STAT5A: variants seen among roughly 807,000 people sequenced by gnomAD.
STAT5A encodes epididymis secretory sperm binding protein.
Under a neutral mutation model 100.2 loss-of-function variants are expected in STAT5A, and 26 were observed. The ratio of observed to expected loss-of-function variants is 0.26; its 90% CI spans 0.19 to 0.36. STAT5A has a LOEUF of 0.36. Among genes scored for constraint, STAT5A ranks in the 10% least tolerant of loss-of-function variants. The pLI, the probability that STAT5A is intolerant of heterozygous loss-of-function variation, is 1.00. For synonymous variants in STAT5A, 330 were observed against 424.3 expected (o/e 0.78, Z 2.73); for missense variants, 634 against 1,027.5 (o/e 0.62, Z 5.24).
intron 5 of STAT5A, among the ~76,000 whole-genome samples, chr17:42,296,606 T>C (rs559734805): frequency 6.6e-6 from 1 of 152,248 alleles, no homozygotes; most frequent in Non-Finnish European, 1.5e-5. Flanking sequence ...CTTAGGTCAT[T>C]GATTTTAGAC....
chr17:42,289,390 G>A lies in STAT5A; in HGVS notation c.-10-12G>A, dbSNP rs1010390796. Reference sequence around the variant, plus strand: ...TGCAGAGGAGAGCGCTTCAGCGCTCGGCTCGCCCTAGGTGAACGGCCATGG... The same window carrying A: ...TGCAGAGGAGAGCGCTTCAGCGCTCAGCTCGCCCTAGGTGAACGGCCATGG... On this transcript the variant is annotated splice_polypyrimidine_tract_variant and intron_variant, in intron 1 of 18. Coordinates refer to ENST00000590949, the MANE Select transcript of STAT5A (RefSeq NM_001288718.2). 3 of 1,597,398 alleles carry A rather than the reference G, an allele frequency of 1.9e-6. No individual in the cohort carries two copies. The highest frequency in any genetic ancestry group is 2.6e-6 in the Non-Finnish European group (3 of 1,172,456).
chr17:42,304,619 T>C lies in STAT5A; in HGVS notation c.1347T>C (p.Ser449=), dbSNP rs753720577. 1 of 1,614,092 alleles carries C rather than the reference T, an allele frequency of 6.2e-7. No homozygotes were observed. The highest frequency in any genetic ancestry group is 8.5e-7 in the Non-Finnish European group (1 of 1,179,994). The part of the protein sequence containing the change: ...KFTVLFESQF[S]VGSNELVFQV... ...CAGTCCTGTTTGAGTCTCAGTTCAG[T>C]GTTGGCAGCAATGAGCTTGTGTTCC... Residue 449 remains serine (S), a synonymous_variant, in exon 11 of 19, where the codon AGT becomes AGC. Transcript: ENST00000590949. The surrounding 1 kb of genome is among the most constrained non-coding windows in gnomAD (Gnocchi z 4.8).
Position 42,311,352 on chromosome 17 carries a change from C to G in STAT5A, c.*683C>G, listed in dbSNP as rs1157589100. The stretch of plus-strand genomic sequence containing the variant: ...GGTTTCTGAGCTGCTCTGAATTAGT[C>G]CTTGCTTGGCTGCTTGGCCTTGGGC... On this transcript the variant is annotated 3_prime_UTR_variant, in exon 19 of 19. Transcript: ENST00000590949. 3 of 152,716 alleles carry G rather than the reference C, an allele frequency of 2.0e-5. No homozygotes were observed. Among genetic ancestry groups the G allele is most frequent in the African/African-American group, 7.2e-5 (3 of 41,430 alleles). 9.5% of individuals were successfully genotyped at this position (152,716 alleles called of 1,614,324 possible).
chr17:42,307,873 C>T (rs548130398), intron 15 of STAT5A, 150 bp downstream of exon 15: 158 of 1,252,572 alleles, frequency 1.3e-4, no homozygotes, highest in Admixed American at 5.7e-4. Context: ...AATGTATTCT[C>T]TTTCTATTGT....
chr17:42,307,933 G>A (rs914631615), intron 15 of STAT5A, among the ~76,000 whole-genome samples: 1 of 152,212 alleles, frequency 6.6e-6, no homozygotes, highest in African/African-American at 2.4e-5. Context: ...CTCCAGGACG[G>A]CTGGGCGAGT....
chr17:42,300,647 T>G, intron 7 of STAT5A, 68 bp from the exon 8 acceptor site: 1 of 1,612,972 alleles, frequency 6.2e-7, no homozygotes, highest in Non-Finnish European at 8.5e-7. Flanking sequence ...ACGGGAGCTG[T>G]GTCTTGGGGC....
At chr17:42,291,848 G>A in intron 3 of STAT5A, 124 bp from the exon 4 acceptor site, 1 of 932,182 alleles carries the variant, frequency 1.1e-6, no homozygotes, top group Non-Finnish European at 1.7e-6. Flanking sequence ...TCTGGGGATA[G>A]TTCCTGAGGC....
chr17:42,295,589 C>T (rs755388609), intron 4 of STAT5A, 30 bp from the exon 5 acceptor site: 1 of 1,603,038 alleles, frequency 6.2e-7, no homozygotes, highest in Non-Finnish European at 8.5e-7. Flanking sequence ...CCTCTCTTCC[C>T]CGAGTTATTT....
Position 42,295,692 on chromosome 17 carries a change from A to G in STAT5A, c.449A>G (p.Glu150Gly). Reference protein sequence around the residue: ...KHLQINQTFEELRLVTQDTEN... With the variant: ...KHLQINQTFEGLRLVTQDTEN... The stretch of plus-strand genomic sequence containing the variant: ...CTTCAGATCAACCAGACATTTGAGG[A>G]GCTGCGACTGGTCACGCAGGACACA... The change falls in exon 5 of 19, where the codon GAG (glutamate) becomes GGG (glycine). Residue 150 changes from glutamate (E) to glycine (G), a missense_variant. Physicochemically the swap from Glu to Gly is moderately conservative, Grantham distance 98. Transcript: ENST00000590949. 1 of 1,613,946 alleles carries G rather than the reference A, an allele frequency of 6.2e-7. No individual in the cohort carries two copies. Among genetic ancestry groups the G allele is most frequent in the Non-Finnish European group, 8.5e-7 (1 of 1,179,968 alleles).
chr17:42,309,122 T>C (rs1207711100), intron 17 of STAT5A, 24 bp downstream of exon 17: 1 of 1,613,300 alleles, frequency 6.2e-7, no homozygotes, highest in African/African-American at 1.3e-5. Flanking sequence ...TGGCTGTGGC[T>C]CTCCTTCTGC....
chr17:42,306,333 C>G lies in STAT5A; in HGVS notation c.1566C>G (p.Asn522Lys). The G allele has an allele frequency of 6.2e-7, 1 of 1,614,108 alleles. No homozygotes were observed. The highest frequency in any genetic ancestry group is 8.5e-7 in the Non-Finnish European group (1 of 1,179,980). ...NMKFKAEVQS[N>K]RGLTKENLVF... The stretch of plus-strand genomic sequence containing the variant: ...AATTCAAGGCCGAAGTGCAGAGCAA[C>G]CGGGGCCTGACCAAGGAGAACCTCG... Residue 522 changes from asparagine (N) to lysine (K), a missense_variant, in exon 13 of 19, where the codon AAC becomes AAG. Coordinates refer to ENST00000590949, the MANE Select transcript of STAT5A (RefSeq NM_001288718.2).
chr17:42,308,117 C>T lies in STAT5A; in HGVS notation c.1907-61C>T. The stretch of plus-strand genomic sequence containing the variant: ...TTCTCTTGCAAGCCTGCCCTAAAGC[C>T]CCACAACCTTGGTCCTCCTGCTGCT... On this transcript the variant is annotated intron_variant, in intron 15 of 18. Coordinates refer to ENST00000590949, the MANE Select transcript of STAT5A (RefSeq NM_001288718.2). This position sits in a 1 kb window ranked among gnomAD's most constrained non-coding sequence, Gnocchi z 4.6. 2 of 1,592,748 alleles carry T rather than the reference C, an allele frequency of 1.3e-6. No homozygotes were observed. The highest frequency in any genetic ancestry group is 1.7e-6 in the Non-Finnish European group (2 of 1,166,768).
intron 11 of STAT5A, among the ~76,000 whole-genome samples, chr17:42,305,191 C>T (rs1418451856): frequency 6.6e-6 from 1 of 151,836 alleles, no homozygotes; most frequent in Non-Finnish European, 1.5e-5. Context: ...CCGAGCGAGA[C>T]CCTGTCTCGA....
At chr17:42,298,056 C>G (rs1254488080) in intron 5 of STAT5A, among the ~76,000 whole-genome samples, 1 of 151,694 alleles carries the variant, frequency 6.6e-6, no homozygotes, top group East Asian at 1.9e-4. Flanking sequence ...GTGGGGTGGG[C>G]CTGCGGTGGT....
In STAT5A at chr17:42,289,382, C is replaced by T. The variant is rs765996129; in HGVS notation, c.-10-20C>T. 3.8e-6 allele frequency: 6 copies of T among 1,591,310 alleles called. No homozygotes were observed. Among genetic ancestry groups the T allele is most frequent in the South Asian group, 1.1e-5 (1 of 88,032 alleles). ...TTGGCCTCTGCAGAGGAGAGCGCTT[C>T]AGCGCTCGGCTCGCCCTAGGTGAAC... On this transcript the variant is annotated intron_variant, in intron 1 of 18. Coordinates refer to ENST00000590949, the MANE Select transcript of STAT5A (RefSeq NM_001288718.2).
Position 42,306,333 on chromosome 17 carries a change from C to T in STAT5A, c.1566C>T (p.Asn522=), listed in dbSNP as rs529772619. 10 of 1,614,108 alleles carry T rather than the reference C, an allele frequency of 6.2e-6. No homozygotes were observed. The highest frequency in any genetic ancestry group is 3.3e-5 in the Admixed American group (2 of 60,024). The stretch of plus-strand genomic sequence containing the variant: ...AATTCAAGGCCGAAGTGCAGAGCAA[C>T]CGGGGCCTGACCAAGGAGAACCTCG... ...NMKFKAEVQS[N]RGLTKENLVF... The change falls in exon 13 of 19, where the codon AAC becomes AAT. Residue 522 remains asparagine, a synonymous_variant. Coordinates refer to ENST00000590949, the MANE Select transcript of STAT5A (RefSeq NM_001288718.2).
rs1381360419 is a variant in STAT5A, at chr17:42,308,274, A to G, written c.2003A>G (p.Tyr668Cys). The change falls in exon 16 of 19, where the codon TAT (tyrosine) becomes TGT (cysteine). Residue 668 changes from tyrosine to cysteine, a missense_variant. By Grantham distance (194) the Tyr-to-Cys change is radical. This residue lies in a region of STAT5A where 210 missense variants were observed against 428.4 expected (regional missense o/e 0.49). Transcript: ENST00000590949. The surrounding 1 kb of genome is among the most constrained non-coding windows in gnomAD (Gnocchi z 4.6). ...CTGGGGGACCTGAGCTATCTCATCT[A>G]TGTGTTTCCTGACCGCCCCAAGGAT... ...DRLGDLSYLI[Y>C]VFPDRPKDEV... 15 of 1,614,062 alleles carry G rather than the reference A, an allele frequency of 9.3e-6. No individual in the cohort carries two copies. Among genetic ancestry groups the G allele is most frequent in the African/African-American group, 1.3e-5 (1 of 75,004 alleles).
intron 17 of STAT5A, 125 bp downstream of exon 17, chr17:42,309,223 G>A: frequency 6.4e-7 from 1 of 1,565,568 alleles, no homozygotes; most frequent in Non-Finnish European, 8.8e-7. Context: ...CCCTGGGGAG[G>A]GAGTCCCCTC....
Position 42,306,035 on chromosome 17 carries a change from C to T in STAT5A, c.1474-206C>T, listed in dbSNP as rs2081025588. On this transcript the variant is annotated intron_variant, in intron 12 of 18. Coordinates refer to ENST00000590949, the MANE Select transcript of STAT5A (RefSeq NM_001288718.2). ...TCTCTGTCCCTGCATGCCCCCACCC[C>T]CTGCATCGGTTTTCTTCCCTGCAGG... The T allele has an allele frequency of 1.3e-5, 11 of 832,842 alleles. No individual in the cohort carries two copies. The Middle Eastern group carries it at 7.1e-4, about 54-fold the overall frequency. The allele number at this position is 832,842 out of a possible 1,614,324, so 51.6% of individuals were successfully genotyped here.
Sources: gnomAD v4.1 joint callset for allele counts (sites outside exome capture counted in the v4.1 genomes callset) on GRCh38, gnomAD v4.1.1 for gene constraint, gnomAD v4.1.1 regional missense constraint, Gnocchi (gnomAD v3.1) non-coding constraint, MANE v1.5 for transcripts, NCBI Gene and HGNC (gene_info 2026-07-23, HGNC 2026-07-21) for gene names.